The following PTPRR variants were observed in gnomAD, a reference collection of about 807,000 sequenced individuals.
The protein encoded by PTPRR is receptor-type tyrosine-protein phosphatase R.
In PTPRR, 38 loss-of-function variants were observed where a neutral mutation model predicts 77.2. The observed-to-expected ratio is 0.49, with a 90% CI of 0.38 to 0.65. The LOEUF is 0.65. Among genes scored for constraint, PTPRR ranks in the 30% least tolerant of loss-of-function variants. PTPRR has a pLI of 0.00. For synonymous variants in PTPRR, 299 were observed against 283.1 expected, an observed-to-expected ratio of 1.06 and a Z score of -0.57; for missense variants, 744 against 799.2, an observed-to-expected ratio of 0.93 and a Z score of 0.83.
intron 11 of PTPRR, 29 bp from the exon 12 acceptor site, chr12:70,661,126 T>G: frequency 6.3e-7 from 1 of 1,588,090 alleles, no homozygotes; most frequent in Non-Finnish European, 8.6e-7. Flanking sequence ...ACCAAATGCC[T>G]CATTCACTTG....
chr12:70,881,812 T>C (rs778061310), intron 2 of PTPRR, among the ~76,000 whole-genome samples: 20 of 152,348 alleles, frequency 1.3e-4, no homozygotes, highest in Admixed American at 2.6e-4. Context: ...TTTGTATTTC[T>C]GAAGTCATTC....
At chr12:70,752,022 C>T (rs35862080) in intron 5 of PTPRR, among the ~76,000 whole-genome samples, 10,813 of 152,224 alleles carry the variant, frequency 0.071, 434 homozygotes, top group African/African-American at 0.088. Flanking sequence ...AAATCTCTGG[C>T]AACCACTGAT....
At chr12:70,826,119 A>C (rs1892104380) in intron 2 of PTPRR, among the ~76,000 whole-genome samples, 1 of 152,196 alleles carries the variant, frequency 6.6e-6, no homozygotes, top group Non-Finnish European at 1.5e-5. Flanking sequence ...AGAGGGAAAG[A>C]AGAAGGGAGA....
intron 12 of PTPRR, among the ~76,000 whole-genome samples, chr12:70,659,799 A>G (rs1886728265): frequency 6.6e-6 from 1 of 152,130 alleles, no homozygotes; most frequent in Admixed American, 6.5e-5. Context: ...TAATATATTT[A>G]TTAAATATAT....
intron 6 of PTPRR, among the ~76,000 whole-genome samples, chr12:70,713,608 G>T: frequency 6.7e-6 from 1 of 148,184 alleles, no homozygotes. Context: ...GGTGTGAAGT[G>T]TATCTCATTG....
chr12:70,647,876 T>C (rs1886258018), intron 13 of PTPRR, among the ~76,000 whole-genome samples: 2 of 152,250 alleles, frequency 1.3e-5, no homozygotes, highest in South Asian at 4.1e-4. Flanking sequence ...AAGTTCATTG[T>C]ACTTATCATA....
intron 5 of PTPRR, among the ~76,000 whole-genome samples, chr12:70,753,301 GA>G (rs1443303061): frequency 1.2e-4 from 18 of 152,094 alleles, no homozygotes; most frequent in Admixed American, 7.2e-4. Context: ...CAACATTGTT[GA>G]TTGTGGAGAG....
At position 70,661,263 on chromosome 12, in the gene PTPRR, G is replaced by A. The variant is rs1886790349; in HGVS notation, c.1609-166C>T. 8.6e-6 allele frequency: 7 copies of A among 816,342 alleles called. No individual in the cohort carries two copies. The South Asian group carries it at 1.0e-4, about 12-fold the overall frequency. 50.6% of individuals were successfully genotyped at this position (816,342 alleles called of 1,614,324 possible). On this transcript the variant is annotated intron_variant, in intron 11 of 13. Transcript: ENST00000283228. ...GAAGAGTGCCCTTTTACTTTGAGAA[G>A]ACTTTACTGTCAGTAACCTGTTTGC...
At chr12:70,666,294 A>G (rs1028570943) in intron 10 of PTPRR, among the ~76,000 whole-genome samples, 10 of 152,212 alleles carry the variant, frequency 6.6e-5, no homozygotes, top group Non-Finnish European at 4.4e-5. Context: ...ACTTAACCAC[A>G]GCATTGACCA....
chr12:70,640,301 T>C lies in PTPRR; in HGVS notation c.1881-1024A>G, dbSNP rs1432376953. The stretch of plus-strand genomic sequence containing the variant: ...AATTCTCCCACCTCAGCCTCTGGTG[T>C]AGCTGGGACCACAGGCACCACCACA... On this transcript the variant is annotated intron_variant, in intron 13 of 13. Transcript: ENST00000283228. 4.6e-5 allele frequency among the ~76,000 whole-genome samples: 7 copies of C among 152,152 alleles called. No individual in the cohort carries two copies. In the East Asian group the frequency reaches 1.4e-3, roughly 29 times the overall value.
intron 13 of PTPRR, among the ~76,000 whole-genome samples, chr12:70,644,362 A>G (rs2136641686): frequency 6.6e-6 from 1 of 152,344 alleles, no homozygotes; most frequent in African/African-American, 2.4e-5. Context: ...TAAAAATGTC[A>G]AGAGAACCCC....
intron 6 of PTPRR, among the ~76,000 whole-genome samples, chr12:70,718,171 G>A (rs990071127): frequency 7.9e-5 from 12 of 152,018 alleles, no homozygotes; most frequent in African/African-American, 2.9e-4. Flanking sequence ...ATTGCTTCTT[G>A]TCTGCCGAAC....
chr12:70,784,981 T>C (rs1446029643), intron 2 of PTPRR, among the ~76,000 whole-genome samples: 1 of 152,154 alleles, frequency 6.6e-6, no homozygotes, highest in Non-Finnish European at 1.5e-5. Context: ...TCAAAACAAT[T>C]TGGTTTTGCT....
At chr12:70,654,771 C>T (rs1019147359) in intron 13 of PTPRR, among the ~76,000 whole-genome samples, 1 of 152,200 alleles carries the variant, frequency 6.6e-6, no homozygotes, top group Non-Finnish European at 1.5e-5. Flanking sequence ...AGCATCTAGA[C>T]CAATGCCTAG....
chr12:70,673,407 TAC>T (rs1197678251), intron 10 of PTPRR, among the ~76,000 whole-genome samples: 5 of 152,234 alleles, frequency 3.3e-5, no homozygotes, highest in Non-Finnish European at 5.9e-5. Context: ...TAATGTATCT[TAC>T]ACAGTTATTA....
intron 6 of PTPRR, among the ~76,000 whole-genome samples, chr12:70,705,888 T>A (rs1888601911): frequency 6.6e-6 from 1 of 152,098 alleles, no homozygotes; most frequent in South Asian, 2.1e-4. Flanking sequence ...TTCATCCTTG[T>A]GTGTTACAGT....
chr12:70,804,083 G>A (rs1891664200), intron 2 of PTPRR, among the ~76,000 whole-genome samples: 1 of 150,582 alleles, frequency 6.6e-6, no homozygotes, highest in Non-Finnish European at 1.5e-5. Context: ...CTGAGAGTGA[G>A]TGTCTTCTTA....
At chr12:70,660,006 G>A (rs886335512) in intron 12 of PTPRR, among the ~76,000 whole-genome samples, 1 of 151,462 alleles carries the variant, frequency 6.6e-6, no homozygotes, top group Non-Finnish European at 1.5e-5. Flanking sequence ...TGAAACCCCC[G>A]CCTCTACTAA....
chr12:70,882,747 G>A (rs1182431181), intron 2 of PTPRR, among the ~76,000 whole-genome samples: 1 of 152,106 alleles, frequency 6.6e-6, no homozygotes, highest in Non-Finnish European at 1.5e-5. Flanking sequence ...ATCCTCAAGT[G>A]TTTGTAAGCT....
Sources: allele counts gnomAD v4.1 joint callset (sites outside exome capture counted in the v4.1 genomes callset), GRCh38; gene constraint gnomAD v4.1.1; transcripts MANE v1.5; gene names NCBI Gene and HGNC (gene_info 2026-07-23, HGNC 2026-07-21).